The following ROR2 variants were observed in gnomAD, a reference collection of about 807,000 sequenced individuals.
ROR2 encodes ROR family WNT receptor 2.
ROR2 carries 33 observed loss-of-function variants against 74.9 expected under a neutral mutation model. The observed-to-expected ratio is 0.44, with a 90% CI of 0.33 to 0.59. ROR2 has a LOEUF of 0.59. ROR2 is among the 20% of genes least tolerant of loss of function. The pLI, the probability that ROR2 is intolerant of heterozygous loss-of-function variation, is 0.02. For missense variants in ROR2, 1,216 were observed against 1,313.8 expected, an observed-to-expected ratio of 0.93 and a Z score of 1.15; for synonymous variants, 586 against 558.7, an observed-to-expected ratio of 1.05 and a Z score of -0.69.
At chr9:91,860,586 G>A (rs960582417) in intron 1 of ROR2, among the ~76,000 whole-genome samples, 12 of 152,336 alleles carry the variant, frequency 7.9e-5, no homozygotes, top group South Asian at 6.2e-4. Context: ...CGGGGATGCC[G>A]GGGCACAGCT....
At chr9:91,824,852 C>G (rs112186342) in intron 1 of ROR2, among the ~76,000 whole-genome samples, 1 of 152,182 alleles carries the variant, frequency 6.6e-6, no homozygotes, top group Non-Finnish European at 1.5e-5. Flanking sequence ...GAGGGGGTGA[C>G]GGGCAAGGCC....
intron 1 of ROR2, among the ~76,000 whole-genome samples, chr9:91,855,059 T>C (rs530688351): frequency 2.0e-5 from 3 of 152,338 alleles, no homozygotes; most frequent in African/African-American, 7.2e-5. Context: ...GGAACTGTTC[T>C]GTAGGCCTCG....
At chr9:91,932,100 A>C (rs1831564618) in intron 1 of ROR2, among the ~76,000 whole-genome samples, 1 of 152,332 alleles carries the variant, frequency 6.6e-6, no homozygotes, top group East Asian at 1.9e-4. Context: ...ATAAGGAATT[A>C]ATTACACAAT....
intron 4 of ROR2, among the ~76,000 whole-genome samples, chr9:91,751,021 C>G (rs544813623): frequency 1.3e-5 from 2 of 152,278 alleles, no homozygotes; most frequent in Non-Finnish European, 2.9e-5. Context: ...GCAGGTGAGG[C>G]TATGAATGAC....
At chr9:91,878,444 T>C (rs1830014527) in intron 1 of ROR2, among the ~76,000 whole-genome samples, 1 of 152,212 alleles carries the variant, frequency 6.6e-6, no homozygotes. Flanking sequence ...GTCCTCATGG[T>C]GTTTCATGCA....
chr9:91,928,215 C>T (rs73651599), intron 1 of ROR2, among the ~76,000 whole-genome samples: 2,104 of 152,242 alleles, frequency 0.014, 59 homozygotes, highest in African/African-American at 0.048. Flanking sequence ...CCCCAGGCCC[C>T]AAAGCCTGCC....
chr9:91,792,256 T>C (rs1234462284), intron 1 of ROR2, among the ~76,000 whole-genome samples: 2 of 149,240 alleles, frequency 1.3e-5, no homozygotes, highest in East Asian at 3.9e-4. Flanking sequence ...ATAAATAAAA[T>C]AGAAATCAGC....
At chr9:91,756,407 C>T (rs1005424310) in intron 3 of ROR2, among the ~76,000 whole-genome samples, 27 of 152,314 alleles carry the variant, frequency 1.8e-4, no homozygotes, top group Admixed American at 1.2e-3. Context: ...GCGTGGGCTT[C>T]GGTGGCAGGG....
At chr9:91,823,399 G>A (rs1047254010) in intron 1 of ROR2, among the ~76,000 whole-genome samples, 2 of 150,446 alleles carry the variant, frequency 1.3e-5, no homozygotes, top group African/African-American at 2.5e-5. Flanking sequence ...ACATGATCTC[G>A]GCCCACTGCA....
At chr9:91,765,759 C>T (rs1054167163) in intron 2 of ROR2, among the ~76,000 whole-genome samples, 32 of 152,198 alleles carry the variant, frequency 2.1e-4, no homozygotes, top group Non-Finnish European at 2.9e-5. Context: ...AGCTTTGGTT[C>T]TGTAGAGCCC....
At chr9:91,794,270 T>C (rs1210731821) in intron 1 of ROR2, among the ~76,000 whole-genome samples, 4 of 152,394 alleles carry the variant, frequency 2.6e-5, no homozygotes, top group Admixed American at 1.3e-4. Context: ...TCCTTAGTTA[T>C]TTTGTTTAAC....
At chr9:91,773,479 G>A (rs944352111) in intron 2 of ROR2, among the ~76,000 whole-genome samples, 9 of 152,216 alleles carry the variant, frequency 5.9e-5, no homozygotes, top group African/African-American at 1.9e-4. Context: ...TGTGCAGGGC[G>A]TAGCCCAGGG....
rs535625227 is a variant in ROR2 at position 91,948,422 on chromosome 9, C to T, written c.97+1445G>A. The stretch of plus-strand genomic sequence containing the variant: ...CGACAGAGGTCTTGAGTGATGGATA[C>T]CAACTTAGAATGTGGTCTACTTATT... On this transcript the variant is annotated intron_variant, in intron 1 of 8. Transcript: ENST00000375708. 5.3e-5 allele frequency among the ~76,000 whole-genome samples: 8 copies of T among 152,320 alleles called. No homozygotes were observed. The South Asian group carries it at 1.7e-3, about 32-fold the overall frequency.
intron 2 of ROR2, among the ~76,000 whole-genome samples, chr9:91,768,755 G>A (rs1207008887): frequency 6.6e-6 from 1 of 152,136 alleles, no homozygotes. Context: ...ACAGTCTCAG[G>A]TGCCCGGCCC....
intron 1 of ROR2, among the ~76,000 whole-genome samples, chr9:91,866,305 A>C (rs569877265): frequency 1.3e-4 from 19 of 151,668 alleles, no homozygotes; most frequent in Middle Eastern, 3.4e-3. Context: ...TTTTTAGTAG[A>C]GACAAGGTTT....
intron 2 of ROR2, among the ~76,000 whole-genome samples, chr9:91,775,149 G>A (rs964860959): frequency 3.3e-5 from 5 of 152,196 alleles, no homozygotes; most frequent in African/African-American, 1.2e-4. Flanking sequence ...CTGGTCTGTG[G>A]TGCTTGCTAA....
intron 1 of ROR2, among the ~76,000 whole-genome samples, chr9:91,919,243 C>T (rs1266397664): frequency 2.6e-5 from 4 of 152,188 alleles, no homozygotes; most frequent in Non-Finnish European, 4.4e-5. Flanking sequence ...CTTTTAGGCA[C>T]GATCCCCTTG....
chr9:91,803,665 G>T (rs1827461096), intron 1 of ROR2, among the ~76,000 whole-genome samples: 1 of 152,234 alleles, frequency 6.6e-6, no homozygotes, highest in Non-Finnish European at 1.5e-5. Flanking sequence ...GCCAGGCATG[G>T]ACATACACGG....
chr9:91,779,281 AT>A (rs1826530680), intron 1 of ROR2, among the ~76,000 whole-genome samples: 1 of 151,880 alleles, frequency 6.6e-6, no homozygotes. Flanking sequence ...ACAATTACAC[AT>A]TTCCATCACC....
Sources: gnomAD v4.1 joint callset for allele counts (sites outside exome capture counted in the v4.1 genomes callset) on GRCh38, gnomAD v4.1.1 for gene constraint, MANE v1.5 for transcripts, NCBI Gene and HGNC (gene_info 2026-07-23, HGNC 2026-07-21) for gene names.